The following CTNNA2 variants were observed in gnomAD, a reference collection of about 807,000 sequenced individuals.
CTNNA2 encodes catenin alpha 2.
Under a neutral mutation model 101.0 loss-of-function variants are expected in CTNNA2, and 42 were observed. The observed-to-expected ratio is 0.42, with a 90% CI of 0.32 to 0.54. The LOEUF (loss-of-function observed/expected upper bound fraction) is 0.54, where lower values mean the gene tolerates loss of function less well. Ranked by LOEUF, CTNNA2 falls within the 20% of genes least tolerant of loss-of-function variation. The pLI is 0.14. For synonymous variants in CTNNA2, 450 were observed against 456.4 expected, an observed-to-expected ratio of 0.99 and a Z score of 0.18; for missense variants, 871 against 1,223.1, an observed-to-expected ratio of 0.71 and a Z score of 4.29.
chr2:79,321,455 A>G (rs1676621980), intron 3 of CTNNA2, among the ~76,000 whole-genome samples: 2 of 152,318 alleles, frequency 1.3e-5, no homozygotes, highest in African/African-American at 4.8e-5. Flanking sequence ...GAGAAGAAAT[A>G]AATGTGTTAG....
intron 7 of CTNNA2, among the ~76,000 whole-genome samples, chr2:80,228,574 AC>A: frequency 6.6e-6 from 1 of 152,220 alleles, no homozygotes; most frequent in South Asian, 2.1e-4. Context: ...CCCTATTTTT[AC>A]TGTCCCCTCT....
intron 9 of CTNNA2, among the ~76,000 whole-genome samples, chr2:80,440,330 A>G (rs560636497): frequency 1.3e-5 from 2 of 152,216 alleles, no homozygotes; most frequent in African/African-American, 4.8e-5. Context: ...AAAAATGACA[A>G]TGTGAACTAG....
chr2:80,587,808 G>T (rs184236739), intron 14 of CTNNA2, among the ~76,000 whole-genome samples: 26 of 152,302 alleles, frequency 1.7e-4, no homozygotes, highest in African/African-American at 5.8e-4. Flanking sequence ...AGAAGCAGGG[G>T]AATTGGAAGT....
chr2:79,827,154 G>C (rs1051335067), intron 3 of CTNNA2, among the ~76,000 whole-genome samples: 1 of 151,750 alleles, frequency 6.6e-6, no homozygotes, highest in African/African-American at 2.4e-5. Flanking sequence ...TTCTTATGCC[G>C]CAGCCTCCCG....
intron 1 of CTNNA2, among the ~76,000 whole-genome samples, chr2:79,587,162 T>A (rs1315433945): frequency 1.3e-5 from 2 of 152,210 alleles, no homozygotes; most frequent in Non-Finnish European, 2.9e-5. Context: ...TGTAATGACT[T>A]ATTTTTCTTT....
intron 8 of CTNNA2, among the ~76,000 whole-genome samples, chr2:80,401,796 GA>G (rs59715103): frequency 2.9e-4 from 41 of 142,344 alleles, no homozygotes; most frequent in East Asian, 1.0e-3. Flanking sequence ...GTAAGAGACA[GA>G]AAAAAAAAAA....
rs554669517 is a variant in CTNNA2, at chr2:80,225,348, TTG to T, written c.1057-167859_1057-167858del. On this transcript the variant is annotated intron_variant, in intron 7 of 18. Coordinates refer to ENST00000402739, the MANE Select transcript of CTNNA2 (RefSeq NM_001282597.3). ...CACACTTTGTGAAGAGAAATCTCAT[TTG>T]TGTCTCTGGGCACTGCTTTGGGATT... Among the ~76,000 whole-genome samples, 458 of 152,340 alleles carry T rather than the reference TTG, an allele frequency of 3.0e-3. 2 individuals carry two copies. The highest frequency in any genetic ancestry group is 5.3e-3 in the Non-Finnish European group (362 of 68,024).
At position 79,435,813 on chromosome 2, in the gene CTNNA2, A is replaced by T. The variant is rs571500346; in HGVS notation, c.-135+61800A>T. Among the ~76,000 whole-genome samples the T allele has an allele frequency of 2.6e-5, 4 of 152,306 alleles. No homozygotes were observed. The South Asian group carries it at 8.3e-4, about 32-fold the overall frequency. ...AGGCCTTGACTTTTGCCTGGGTAGC[A>T]TAGATCACTGCTAGCCTCATCCGAG... On this transcript the variant is annotated intron_variant, in intron 4 of 21. Coordinates refer to the CTNNA2 transcript ENST00000466387.
intron 3 of CTNNA2, among the ~76,000 whole-genome samples, chr2:79,358,981 T>G (rs2104445059): frequency 6.6e-6 from 1 of 152,266 alleles, no homozygotes; most frequent in Non-Finnish European, 1.5e-5. Flanking sequence ...TTTTAAAAAA[T>G]ATAACAGTGC....
intron 7 of CTNNA2, among the ~76,000 whole-genome samples, chr2:80,213,171 G>T (rs1708015881): frequency 6.6e-6 from 1 of 151,990 alleles, no homozygotes; most frequent in South Asian, 2.1e-4. Context: ...CCAGCTACTG[G>T]ATTCATTGAT....
At chr2:79,887,711 G>GA (rs1185141182) in intron 6 of CTNNA2, among the ~76,000 whole-genome samples, 2 of 151,854 alleles carry the variant, frequency 1.3e-5, no homozygotes, top group Non-Finnish European at 1.5e-5. Context: ...ATACTTTTTT[G>GA]AAAAGTGGAG....
chr2:79,593,558 C>T (rs958890183), intron 1 of CTNNA2, among the ~76,000 whole-genome samples: 1 of 152,124 alleles, frequency 6.6e-6, no homozygotes, highest in Non-Finnish European at 1.5e-5. Flanking sequence ...GCCTTCCAGC[C>T]TACCTCTAGG....
chr2:79,783,409 G>T (rs906736257), intron 3 of CTNNA2, among the ~76,000 whole-genome samples: 7 of 152,134 alleles, frequency 4.6e-5, no homozygotes, highest in Admixed American at 1.3e-4. Context: ...TTCGTCAACT[G>T]CACCTTTTCC....
chr2:79,378,963 C>G (rs2104461364), intron 4 of CTNNA2, among the ~76,000 whole-genome samples: 1 of 152,248 alleles, frequency 6.6e-6, no homozygotes, highest in Non-Finnish European at 1.5e-5. Context: ...CTCAGGTGGA[C>G]TAGATAGCAC....
chr2:79,525,192 C>G (rs527399124), intron 1 of CTNNA2, among the ~76,000 whole-genome samples: 10 of 151,900 alleles, frequency 6.6e-5, no homozygotes, highest in Non-Finnish European at 1.5e-4. Flanking sequence ...GATACAATAG[C>G]CAGTACAGCA....
intron 4 of CTNNA2, among the ~76,000 whole-genome samples, chr2:79,438,286 A>G (rs1019640831): frequency 9.2e-5 from 14 of 152,234 alleles, no homozygotes; most frequent in Admixed American, 7.8e-4. Context: ...ATTACACACT[A>G]TGAACTGTCT....
intron 7 of CTNNA2, among the ~76,000 whole-genome samples, chr2:80,109,745 T>C (rs1701100237): frequency 6.6e-6 from 1 of 152,168 alleles, no homozygotes; most frequent in South Asian, 2.1e-4. Flanking sequence ...GGACTATTCA[T>C]GGGGAGCTCT....
At position 79,315,929 on chromosome 2, in the gene CTNNA2, T is replaced by C. The variant is rs192296002; in HGVS notation, c.-318+3133T>C. On this transcript the variant is annotated intron_variant, in intron 3 of 21. Transcript: ENST00000466387. Reference sequence around the variant, plus strand: ...TTTTACCACCACGTTATTATCTGTCTTTTTAATTATAGCCATATATTTTCA... The same window carrying C: ...TTTTACCACCACGTTATTATCTGTCCTTTTAATTATAGCCATATATTTTCA... Among the ~76,000 whole-genome samples the C allele has an allele frequency of 3.3e-5, 5 of 152,266 alleles. No homozygotes were observed. The East Asian group carries it at 9.6e-4, about 29-fold the overall frequency.
At chr2:80,007,859 C>A (rs149479906) in intron 7 of CTNNA2, among the ~76,000 whole-genome samples, 1 of 152,158 alleles carries the variant, frequency 6.6e-6, no homozygotes, top group African/African-American at 2.4e-5. Context: ...CACTACTCTG[C>A]AGGTCAGGCC....
Sources: allele counts gnomAD v4.1 joint callset (sites outside exome capture counted in the v4.1 genomes callset), GRCh38; gene constraint gnomAD v4.1.1; transcripts MANE v1.5; gene names NCBI Gene and HGNC (gene_info 2026-07-23, HGNC 2026-07-21).